Variants in ANO10 observed in about 807,000 individuals in gnomAD.
ANO10 encodes the protein anoctamin-10.
ANO10 carries 77 observed loss-of-function variants against 74.7 expected under a neutral mutation model. The observed-to-expected ratio is 1.03, with a 90% confidence interval of 0.86 to 1.25. ANO10 has a LOEUF of 1.25. Among genes scored for constraint, ANO10 ranks in the 50% most tolerant of loss-of-function variants. The probability of loss-of-function intolerance (pLI) is 0.00; values close to 1 mark genes in which losing one functional copy is unlikely to be tolerated. For synonymous variants in ANO10, 279 were observed against 284.9 expected, an observed-to-expected ratio of 0.98 and a Z score of 0.21; for missense variants, 721 against 778.1, an observed-to-expected ratio of 0.93 and a Z score of 0.87.
At chr3:43,585,780 C>T (rs1249816187) in intron 4 of ANO10, among the ~76,000 whole-genome samples, 1 of 152,192 alleles carries the variant, frequency 6.6e-6, no homozygotes, top group Admixed American at 6.5e-5. Context: ...CATGCCTTCC[C>T]ACTAGGAGAT....
At chr3:43,371,430 T>C (rs756300802) in intron 12 of ANO10, among the ~76,000 whole-genome samples, 1 of 152,158 alleles carries the variant, frequency 6.6e-6, no homozygotes, top group Non-Finnish European at 1.5e-5. Flanking sequence ...AGGCCTGAGA[T>C]GGAGCATCAT....
At chr3:43,417,423 C>T (rs560246145) in intron 12 of ANO10, among the ~76,000 whole-genome samples, 1 of 152,150 alleles carries the variant, frequency 6.6e-6, no homozygotes, top group Non-Finnish European at 1.5e-5. Flanking sequence ...GTGAGCCCTA[C>T]TTAAATCAGA....
intron 12 of ANO10, among the ~76,000 whole-genome samples, chr3:43,400,077 A>C (rs148715331): frequency 5.1e-4 from 78 of 152,048 alleles, no homozygotes; most frequent in African/African-American, 1.8e-3. Context: ...ACTCTTTCCT[A>C]TTCTGCTTTC....
chr3:43,556,765 A>T (rs1465458018), intron 9 of ANO10, among the ~76,000 whole-genome samples: 1 of 152,228 alleles, frequency 6.6e-6, no homozygotes, highest in East Asian at 1.9e-4. Flanking sequence ...CGGAACAAAC[A>T]TAACACACAA....
chr3:43,584,662 A>G (rs141969493), intron 4 of ANO10, among the ~76,000 whole-genome samples: 1 of 152,250 alleles, frequency 6.6e-6, no homozygotes, highest in African/African-American at 2.4e-5. Flanking sequence ...CCTGACCCCA[A>G]GCATAACATT....
At chr3:43,531,692 G>A (rs901398931) in intron 11 of ANO10, among the ~76,000 whole-genome samples, 3 of 151,990 alleles carry the variant, frequency 2.0e-5, no homozygotes, top group East Asian at 1.9e-4. Flanking sequence ...TCAGGAGTTC[G>A]AGACCAGCCT....
intron 1 of ANO10, among the ~76,000 whole-genome samples, chr3:43,655,646 C>T (rs1174477210): frequency 6.6e-6 from 1 of 151,190 alleles, no homozygotes; most frequent in Non-Finnish European, 1.5e-5. Flanking sequence ...GGTTCTCCAC[C>T]TCCCCATCAG....
intron 11 of ANO10, among the ~76,000 whole-genome samples, chr3:43,452,044 C>T (rs1486578443): frequency 6.6e-6 from 1 of 152,126 alleles, no homozygotes; most frequent in Non-Finnish European, 1.5e-5. Flanking sequence ...AGATTAGTTA[C>T]TAATAAAATA....
rs752908391 is a variant in ANO10, at chr3:43,675,077, AAT to A, written c.-12+16438_-12+16439del. ...CATGTTTTACACATCTCACATACTAAATAAGAGCATAAGAGTCTACCTACTAA... is the reference window on the plus strand; with the variant it reads ...CATGTTTTACACATCTCACATACTAAAAGAGCATAAGAGTCTACCTACTAA... On this transcript the variant is annotated intron_variant, in intron 1 of 3. Coordinates refer to the ANO10 transcript ENST00000413397. Among the ~76,000 whole-genome samples the A allele has an allele frequency of 7.1e-4, 108 of 152,316 alleles. 1 individual carries two copies. The highest frequency in any genetic ancestry group is 3.7e-3 in the South Asian group (18 of 4,828).
intron 1 of ANO10, among the ~76,000 whole-genome samples, 196 bp from the exon 2 acceptor site, chr3:43,606,059 A>G (rs2082549489): frequency 6.6e-6 from 1 of 152,232 alleles, no homozygotes; most frequent in South Asian, 2.1e-4. Context: ...CTTTGGAAAG[A>G]ACGCCATCCT....
At chr3:43,469,382 T>C (rs985720538) in intron 11 of ANO10, among the ~76,000 whole-genome samples, 6 of 152,150 alleles carry the variant, frequency 3.9e-5, no homozygotes. Context: ...CCGCGGACAA[T>C]TCCTTCAGGT....
chr3:43,435,251 G>C (rs896601571), intron 11 of ANO10, among the ~76,000 whole-genome samples: 2 of 151,672 alleles, frequency 1.3e-5, no homozygotes, highest in African/African-American at 2.4e-5. Context: ...GCTCACGCCT[G>C]TAATCCCAGC....
intron 11 of ANO10, among the ~76,000 whole-genome samples, chr3:43,443,025 C>T (rs1206120991): frequency 1.3e-5 from 2 of 152,192 alleles, no homozygotes; most frequent in Non-Finnish European, 2.9e-5. Flanking sequence ...AATTCTCTGG[C>T]AGTGTCTTCA....
chr3:43,622,958 C>T (rs535012968), upstream of ANO10, among the ~76,000 whole-genome samples: 3 of 152,294 alleles, frequency 2.0e-5, no homozygotes, highest in Non-Finnish European at 4.4e-5. Context: ...CTCCGCCTCC[C>T]GGGTTCAAGC....
intron 11 of ANO10, among the ~76,000 whole-genome samples, chr3:43,483,831 T>C (rs2076363489): frequency 6.6e-6 from 1 of 152,148 alleles, no homozygotes; most frequent in Non-Finnish European, 1.5e-5. Flanking sequence ...AGGTCATAGG[T>C]GGATTCCAAC....
intron 12 of ANO10, among the ~76,000 whole-genome samples, chr3:43,395,623 T>C (rs1001469900): frequency 3.3e-5 from 5 of 152,042 alleles, no homozygotes; most frequent in Non-Finnish European, 5.9e-5. Context: ...AACTCTATTC[T>C]GCTCCGTTAA....
intron 10 of ANO10, among the ~76,000 whole-genome samples, chr3:43,550,833 C>T (rs2079423803): frequency 6.6e-6 from 1 of 152,082 alleles, no homozygotes; most frequent in South Asian, 2.1e-4. Context: ...CCCTTGTCCC[C>T]TTTTCTTCCA....
Position 43,610,429 on chromosome 3 carries a change from A to C in ANO10, c.-11-4566T>G, listed in dbSNP as rs187539426. ...AGTATAGTAAATACATAAACCAGTA[A>C]AAGTGGGTTCATTACCATTGTCAGG... On this transcript the variant is annotated intron_variant, in intron 1 of 12. Coordinates refer to ENST00000292246, the MANE Select transcript of ANO10 (RefSeq NM_018075.5). 3.3e-5 allele frequency among the ~76,000 whole-genome samples: 5 copies of C among 152,344 alleles called. No homozygotes were observed. In the East Asian group the frequency reaches 7.7e-4, roughly 23 times the overall value.
rs374117347 is a variant in ANO10, at chr3:43,369,501, A to C, written c.1915-2527T>G. The stretch of plus-strand genomic sequence containing the variant: ...AAGGCTTCTTTTAAAGCCATGAATG[A>C]CCAAGCCTCACTGGAGTGTTCTGTG... On this transcript the variant is annotated intron_variant, in intron 12 of 12. Coordinates refer to ENST00000292246, the MANE Select transcript of ANO10 (RefSeq NM_018075.5). Among the ~76,000 whole-genome samples the C allele has an allele frequency of 1.1e-4, 16 of 152,226 alleles. No homozygotes were observed. In the East Asian group the frequency reaches 1.3e-3, roughly 13 times the overall value.
Sources: allele counts gnomAD v4.1 joint callset (sites outside exome capture counted in the v4.1 genomes callset), GRCh38; gene constraint gnomAD v4.1.1; transcripts MANE v1.5; gene names NCBI Gene and HGNC (gene_info 2026-07-23, HGNC 2026-07-21).